The following GRID1 variants were observed in gnomAD, a reference collection of about 807,000 sequenced individuals.
The protein encoded by GRID1 is glutamate receptor ionotropic, delta-1.
A neutral mutation model predicts 98.0 loss-of-function variants in GRID1; 28 were observed. That is an observed-to-expected ratio of 0.29 (90% CI 0.21 to 0.39). The LOEUF is 0.39. Ranked by LOEUF, GRID1 falls within the 10% of genes least tolerant of loss-of-function variation. The probability of loss-of-function intolerance (pLI) is 1.00; values close to 1 mark genes in which losing one functional copy is unlikely to be tolerated. For synonymous variants in GRID1, 553 were observed against 538.5 expected (o/e 1.03, Z -0.37); for missense variants, 1,111 against 1,340.5 (o/e 0.83, Z 2.67).
chr10:85,978,193 C>G (rs1328185365), intron 4 of GRID1, among the ~76,000 whole-genome samples: 1 of 152,122 alleles, frequency 6.6e-6, no homozygotes, highest in African/African-American at 2.4e-5. Flanking sequence ...TTTTTTAAAT[C>G]CCCCAAAGCC....
chr10:86,034,171 C>T (rs1448500122), intron 4 of GRID1, among the ~76,000 whole-genome samples: 2 of 151,916 alleles, frequency 1.3e-5, no homozygotes, highest in East Asian at 1.9e-4. Context: ...CTAATGGCAT[C>T]GAGGTAACAG....
At chr10:85,612,266 C>T (rs1842741464) in intron 15 of GRID1, among the ~76,000 whole-genome samples, 1 of 151,822 alleles carries the variant, frequency 6.6e-6, no homozygotes, top group Non-Finnish European at 1.5e-5. Context: ...TGGACCCAGC[C>T]TTGCTGTCCA....
intron 4 of GRID1, among the ~76,000 whole-genome samples, chr10:86,041,569 C>A (rs1843345880): frequency 6.6e-6 from 1 of 152,120 alleles, no homozygotes; most frequent in African/African-American, 2.4e-5. Context: ...GCCTGAGTAT[C>A]CTGAGTACAG....
At chr10:85,951,918 C>T (rs1564633972) in intron 4 of GRID1, among the ~76,000 whole-genome samples, 1 of 152,232 alleles carries the variant, frequency 6.6e-6, no homozygotes, top group Non-Finnish European at 1.5e-5. Flanking sequence ...GAGGCCGACG[C>T]CTTGCCTGAG....
At chr10:85,841,846 G>T (rs1347779459) in intron 8 of GRID1, among the ~76,000 whole-genome samples, 1 of 152,092 alleles carries the variant, frequency 6.6e-6, no homozygotes, top group Non-Finnish European at 1.5e-5. Context: ...CAAGGTTATG[G>T]AGAAAAGGGA....
At chr10:85,854,165 G>A (rs550529373) in intron 8 of GRID1, among the ~76,000 whole-genome samples, 14 of 152,192 alleles carry the variant, frequency 9.2e-5, no homozygotes, top group African/African-American at 3.1e-4. Flanking sequence ...CCCTGTGGTC[G>A]GGCTGATTTC....
At chr10:85,930,261 T>A (rs1303353813) in intron 4 of GRID1, among the ~76,000 whole-genome samples, 2 of 97,510 alleles carry the variant, frequency 2.1e-5, no homozygotes, top group African/African-American at 1.1e-4. Flanking sequence ...CTTGCGGTTA[T>A]TTATAACTAC....
At chr10:86,073,685 C>G (rs1206985671) in intron 4 of GRID1, among the ~76,000 whole-genome samples, 1 of 152,196 alleles carries the variant, frequency 6.6e-6, no homozygotes, top group Non-Finnish European at 1.5e-5. Flanking sequence ...AAGGTGGGCA[C>G]CACTTGATGC....
At chr10:86,311,131 T>C (rs962483142) in intron 2 of GRID1, among the ~76,000 whole-genome samples, 4 of 152,094 alleles carry the variant, frequency 2.6e-5, no homozygotes, top group Non-Finnish European at 5.9e-5. Flanking sequence ...TAAGACACCA[T>C]ATAGTGGTAC....
chr10:86,361,524 T>C, intron 2 of GRID1, among the ~76,000 whole-genome samples: 1 of 152,138 alleles, frequency 6.6e-6, no homozygotes, highest in East Asian at 1.9e-4. Flanking sequence ...CAGTCTGCCA[T>C]CCTTGGAGCC....
At chr10:86,355,266 C>T (rs940434913) in intron 2 of GRID1, among the ~76,000 whole-genome samples, 10 of 152,230 alleles carry the variant, frequency 6.6e-5, no homozygotes, top group Admixed American at 1.3e-4. Flanking sequence ...ACCACACTCC[C>T]GCCTCTTCAG....
At chr10:85,620,224 G>C (rs902964513) in intron 13 of GRID1, among the ~76,000 whole-genome samples, 191 bp from the exon 14 acceptor site, 4 of 152,160 alleles carry the variant, frequency 2.6e-5, no homozygotes, top group Admixed American at 2.6e-4. Flanking sequence ...CACTCACTTT[G>C]ACTAGACATA....
chr10:85,894,345 T>C (rs1489502773), intron 5 of GRID1, among the ~76,000 whole-genome samples: 2 of 152,214 alleles, frequency 1.3e-5, no homozygotes, highest in Non-Finnish European at 2.9e-5. Context: ...AACATGCGTG[T>C]GTCTCAAAAT....
intron 4 of GRID1, among the ~76,000 whole-genome samples, chr10:86,089,597 T>C (rs1235118010): frequency 2.6e-5 from 4 of 152,146 alleles, no homozygotes; most frequent in Non-Finnish European, 5.9e-5. Context: ...AGCGCTGAGA[T>C]GATGAAATCA....
At chr10:86,164,357 C>T (rs1310760427) in intron 3 of GRID1, among the ~76,000 whole-genome samples, 2 of 152,142 alleles carry the variant, frequency 1.3e-5, no homozygotes, top group African/African-American at 4.8e-5. Context: ...CCAGCAGCAC[C>T]AGGGAGCAGA....
intron 8 of GRID1, among the ~76,000 whole-genome samples, chr10:85,737,687 TA>T (rs151257477): frequency 0.12 from 8,831 of 73,238 alleles, 815 homozygotes; most frequent in Middle Eastern, 0.17. Flanking sequence ...CATATATGGT[TA>T]TATATATATA....
chr10:85,996,327 T>C (rs61856013), intron 4 of GRID1, among the ~76,000 whole-genome samples: 8,959 of 152,230 alleles, frequency 0.059, 319 homozygotes, highest in Middle Eastern at 0.092. Flanking sequence ...CAAGCAATTG[T>C]GAACACTCCT....
intron 4 of GRID1, among the ~76,000 whole-genome samples, chr10:86,018,863 T>A (rs1188946309): frequency 6.6e-6 from 1 of 152,240 alleles, no homozygotes; most frequent in Non-Finnish European, 1.5e-5. Context: ...TGTCTTCTTT[T>A]TTCTCATGAT....
chr10:85,759,593 G>C (rs1590219532), intron 8 of GRID1, among the ~76,000 whole-genome samples: 1 of 152,310 alleles, frequency 6.6e-6, no homozygotes, highest in East Asian at 1.9e-4. Context: ...AAGGCGATTT[G>C]CACAGTGATT....
Sources: allele counts gnomAD v4.1 joint callset (sites outside exome capture counted in the v4.1 genomes callset), GRCh38; gene constraint gnomAD v4.1.1; transcripts MANE v1.5; gene names NCBI Gene and HGNC (gene_info 2026-07-23, HGNC 2026-07-21).